CSTPP1: variants seen among roughly 807,000 people sequenced by gnomAD.
CSTPP1 encodes UPF0705 protein C11orf49.
At chr11:46,949,797 G>A in the CSTPP1 span, among the ~76,000 whole-genome samples, 8 of 151,638 alleles carry the variant, frequency 5.3e-5, no homozygotes, top group East Asian at 1.2e-3. Flanking sequence ...TCAGCCTCCC[G>A]AGTAGCTGGA....
chr11:47,114,022 G>A, the CSTPP1 span, among the ~76,000 whole-genome samples: 5 of 152,146 alleles, frequency 3.3e-5, no homozygotes, highest in African/African-American at 1.2e-4. Flanking sequence ...ATTAATTTTT[G>A]TATAAGATGT....
chr11:46,988,168 C>T, the CSTPP1 span, among the ~76,000 whole-genome samples: 3 of 152,098 alleles, frequency 2.0e-5, no homozygotes, highest in African/African-American at 7.2e-5. Flanking sequence ...CCTCAAAAAA[C>T]TAGGAATAGG....
chr11:47,129,235 G>T, the CSTPP1 span, among the ~76,000 whole-genome samples: 18 of 152,174 alleles, frequency 1.2e-4, no homozygotes, highest in African/African-American at 4.1e-4. Context: ...ACACCTGGTG[G>T]AGCTGCATGA....
the CSTPP1 span, among the ~76,000 whole-genome samples, chr11:47,058,047 A>G: frequency 6.6e-6 from 1 of 152,246 alleles, no homozygotes; most frequent in African/African-American, 2.4e-5. Flanking sequence ...CAAAATTACC[A>G]GACAGGCCAG....
the CSTPP1 span, among the ~76,000 whole-genome samples, chr11:47,008,871 A>G: frequency 6.6e-6 from 1 of 152,074 alleles, no homozygotes; most frequent in Non-Finnish European, 1.5e-5. Flanking sequence ...TCTACTAAAA[A>G]TACAAAAAAA....
the CSTPP1 span, among the ~76,000 whole-genome samples, chr11:47,159,025 T>C: frequency 6.6e-6 from 1 of 152,208 alleles, no homozygotes; most frequent in African/African-American, 2.4e-5. Context: ...ATGCTTTATA[T>C]TTTTTATCTT....
chr11:46,948,303 T>A, the CSTPP1 span: 2 of 378,374 alleles, frequency 5.3e-6, no homozygotes, highest in Non-Finnish European at 1.0e-5. Context: ...AAAGGAGAGA[T>A]TAAATGTGTC....
chr11:47,161,864 T>C, the CSTPP1 span: 1 of 1,335,124 alleles, frequency 7.5e-7, no homozygotes. Context: ...TGAACTTCAC[T>C]TAGGCCCCAA....
chr11:47,143,556 T>C, the CSTPP1 span, among the ~76,000 whole-genome samples: 1 of 152,160 alleles, frequency 6.6e-6, no homozygotes, highest in Non-Finnish European at 1.5e-5. Flanking sequence ...GGGCAGCAGG[T>C]GTGAGCTGGA....
the CSTPP1 span, among the ~76,000 whole-genome samples, chr11:47,115,827 C>T: frequency 3.3e-5 from 5 of 151,276 alleles, no homozygotes; most frequent in African/African-American, 9.7e-5. Flanking sequence ...TTCAGTTCTG[C>T]TCTGATCTTA....
the CSTPP1 span, among the ~76,000 whole-genome samples, chr11:47,133,289 C>T: frequency 6.6e-6 from 1 of 152,182 alleles, no homozygotes; most frequent in Non-Finnish European, 1.5e-5. Context: ...GTCTGACCAC[C>T]CACAAAAGGA....
the CSTPP1 span, among the ~76,000 whole-genome samples, chr11:47,050,017 G>C: frequency 6.6e-6 from 1 of 152,132 alleles, no homozygotes; most frequent in Non-Finnish European, 1.5e-5. Context: ...TATAGTGACT[G>C]TAAGGTTGGG....
the CSTPP1 span, among the ~76,000 whole-genome samples, chr11:47,045,242 A>G: frequency 6.6e-6 from 1 of 152,368 alleles, no homozygotes; most frequent in African/African-American, 2.4e-5. Flanking sequence ...ATTTTGAGGT[A>G]GATGAAAACT....
the CSTPP1 span, among the ~76,000 whole-genome samples, chr11:47,047,404 T>C: frequency 4.5e-5 from 5 of 111,832 alleles, no homozygotes; most frequent in Non-Finnish European, 7.9e-5. Context: ...TATAGACCAC[T>C]GGAATAGATT....
At chr11:46,959,203 T>G in the CSTPP1 span, among the ~76,000 whole-genome samples, 3 of 137,216 alleles carry the variant, frequency 2.2e-5, no homozygotes, top group African/African-American at 5.2e-5. Context: ...GTTTTATTGG[T>G]TTTTTTTTTT....
At chr11:47,086,881 T>G in the CSTPP1 span, among the ~76,000 whole-genome samples, 3 of 152,196 alleles carry the variant, frequency 2.0e-5, no homozygotes, top group Non-Finnish European at 4.4e-5. Context: ...ACTTACTCCC[T>G]TTTTGAAGAG....
chr11:46,981,878 T>A, the CSTPP1 span, among the ~76,000 whole-genome samples: 2 of 152,260 alleles, frequency 1.3e-5, no homozygotes. Context: ...AGATCAAAGA[T>A]GGTCTCGTAT....
the CSTPP1 span, among the ~76,000 whole-genome samples, chr11:46,939,300 G>C: frequency 4.6e-5 from 7 of 151,636 alleles, no homozygotes; most frequent in Non-Finnish European, 7.4e-5. Flanking sequence ...TGTTGGTCAG[G>C]CTGGTCTCAA....
the CSTPP1 span, chr11:47,052,636 T>C: frequency 1.5e-6 from 2 of 1,355,172 alleles, no homozygotes; most frequent in Non-Finnish European, 2.0e-6. Context: ...TTTCAAACTT[T>C]TTCTTTTGTT....
Sources: allele counts gnomAD v4.1 joint callset (sites outside exome capture counted in the v4.1 genomes callset), GRCh38; gene constraint gnomAD v4.1.1; transcripts MANE v1.5; gene names NCBI Gene and HGNC (gene_info 2026-07-23, HGNC 2026-07-21).